ATXN10: variants seen among roughly 807,000 people sequenced by gnomAD.
The protein encoded by ATXN10 is ataxin 10, also known as ataxin-10.
In ATXN10, 28 loss-of-function variants were observed where a neutral mutation model predicts 52.9. The observed-to-expected ratio is 0.53, with a 90% CI of 0.39 to 0.73. The LOEUF (loss-of-function observed/expected upper bound fraction) is 0.73, where lower values mean the gene tolerates loss of function less well. Ranked by LOEUF, ATXN10 falls within the 30% of genes least tolerant of loss-of-function variation. The pLI, the probability that ATXN10 is intolerant of heterozygous loss-of-function variation, is 0.00. For synonymous variants in ATXN10, 226 were observed against 221.5 expected (o/e 1.02, Z -0.18); for missense variants, 565 against 577.0 (o/e 0.98, Z 0.21).
chr22:45,768,280 TATAG>T (rs1926657480), intron 9 of ATXN10, among the ~76,000 whole-genome samples: 1 of 151,804 alleles, frequency 6.6e-6, no homozygotes, highest in African/African-American at 2.4e-5. Flanking sequence ...ACCTCGGACA[TATAG>T]ATGTACAAGA....
chr22:45,729,542 G>C lies in ATXN10; in HGVS notation c.846G>C (p.Gln282His). The C allele has an allele frequency of 6.2e-7, 1 of 1,614,184 alleles. No individual in the cohort carries two copies. Among genetic ancestry groups the C allele is most frequent in the Non-Finnish European group, 8.5e-7 (1 of 1,180,022 alleles). ...AELIASTFVD[Q>H]CKTVLKLASE... ...TGATTGCAAGCACCTTTGTGGATCA[G>C]TGCAAGACTGTGCTCAAGCTGGCCT... The change falls in exon 7 of 12, where the codon CAG (glutamine) becomes CAC (histidine). Residue 282 changes from glutamine (Q) to histidine (H), a missense_variant. Transcript: ENST00000252934.
At position 45,750,753 on chromosome 22, in the gene ATXN10, C is replaced by T. The variant is rs1230362692; in HGVS notation, c.1173+10215C>T. Among the ~76,000 whole-genome samples the T allele has an allele frequency of 6.6e-6, 1 of 152,142 alleles. No individual in the cohort carries two copies. Among genetic ancestry groups the T allele is most frequent in the African/African-American group, 2.4e-5 (1 of 41,448 alleles). On this transcript the variant is annotated intron_variant, in intron 9 of 11. Coordinates refer to ENST00000252934, the MANE Select transcript of ATXN10 (RefSeq NM_013236.4). This position sits in a 1 kb window ranked among gnomAD's most constrained non-coding sequence, Gnocchi z 4.2. The stretch of plus-strand genomic sequence containing the variant: ...AGTGGAGGCAGACATAGTTTCCAAA[C>T]AGACCCAGGAGAAGTTATACGAATT...
chr22:45,757,972 C>T lies in ATXN10; in HGVS notation c.1173+17434C>T, dbSNP rs1926235152. Among the ~76,000 whole-genome samples the T allele has an allele frequency of 6.6e-6, 1 of 152,200 alleles. No individual in the cohort carries two copies. The highest frequency in any genetic ancestry group is 2.1e-4 in the South Asian group (1 of 4,834). ...TTGTAAAAGAAGAAAAAAAGTTGAG[C>T]TTTTGTGATGACACACAAATTCAAA... On this transcript the variant is annotated intron_variant, in intron 9 of 11. Transcript: ENST00000252934. This position sits in a 1 kb window ranked among gnomAD's most constrained non-coding sequence, Gnocchi z 4.6.
Position 45,708,948 on chromosome 22 carries a change from T to G in ATXN10, c.647+6101T>G, listed in dbSNP as rs1286102151. Among the ~76,000 whole-genome samples the G allele has an allele frequency of 6.6e-6, 1 of 152,212 alleles. No individual in the cohort carries two copies. Among genetic ancestry groups the G allele is most frequent in the Non-Finnish European group, 1.5e-5 (1 of 68,038 alleles). On this transcript the variant is annotated intron_variant, in intron 5 of 11. Transcript: ENST00000252934. The surrounding 1 kb of genome is among the most constrained non-coding windows in gnomAD (Gnocchi z 5.3). ...GCCACCGTGCCCACCTAAACTTTTA[T>G]TAATCCATTGAACTTTTTACCCAGT...
chr22:45,768,253 G>A (rs1044340950), intron 9 of ATXN10, among the ~76,000 whole-genome samples: 1 of 152,094 alleles, frequency 6.6e-6, no homozygotes, highest in African/African-American at 2.4e-5. Flanking sequence ...AGGTGGGGCA[G>A]GAAATGGGGA....
At chr22:45,704,931 T>C (rs1214972785) in intron 5 of ATXN10, among the ~76,000 whole-genome samples, 1 of 152,218 alleles carries the variant, frequency 6.6e-6, no homozygotes, top group Non-Finnish European at 1.5e-5. Flanking sequence ...ATGATAAACT[T>C]TTCTTCTACT....
chr22:45,685,332 C>T (rs577955169), intron 1 of ATXN10, among the ~76,000 whole-genome samples: 40 of 152,218 alleles, frequency 2.6e-4, no homozygotes, highest in Non-Finnish European at 4.0e-4. Flanking sequence ...TGTAACATTT[C>T]ATTTATACAT....
rs745625221 is a variant in ATXN10, at chr22:45,759,695, C to G, written c.1173+19157C>G. 2.0e-5 allele frequency among the ~76,000 whole-genome samples: 3 copies of G among 152,132 alleles called. No individual in the cohort carries two copies. The highest frequency in any genetic ancestry group is 2.0e-4 in the Admixed American group (3 of 15,276). On this transcript the variant is annotated intron_variant, in intron 9 of 11. Transcript: ENST00000252934. This position sits in a 1 kb window ranked among gnomAD's most constrained non-coding sequence, Gnocchi z 5.4. The stretch of plus-strand genomic sequence containing the variant: ...GCATCAGCTCCTCCCTCCCAGCCAC[C>G]CTGCCCTTCATAAAGCTCTAGTTTT...
At position 45,759,372 on chromosome 22, in the gene ATXN10, C is replaced by T. The variant is rs1276319807; in HGVS notation, c.1173+18834C>T. ...ACTAAAAATACAAAAAGTAGCCGGG[C>T]GTGGTGGCGCATGCCTGTAATCCCA... On this transcript the variant is annotated intron_variant, in intron 9 of 11. Coordinates refer to ENST00000252934, the MANE Select transcript of ATXN10 (RefSeq NM_013236.4). This position sits in a 1 kb window ranked among gnomAD's most constrained non-coding sequence, Gnocchi z 5.4. Among the ~76,000 whole-genome samples, 1 of 152,108 alleles carries T rather than the reference C, an allele frequency of 6.6e-6. No homozygotes were observed. The highest frequency in any genetic ancestry group is 2.4e-5 in the African/African-American group (1 of 41,414).
chr22:45,768,663 C>G (rs1926671112), intron 9 of ATXN10, among the ~76,000 whole-genome samples: 1 of 152,162 alleles, frequency 6.6e-6, no homozygotes, highest in African/African-American at 2.4e-5. Flanking sequence ...ACAAGACAAA[C>G]AGCCAGCTTG....
rs1449788295 is a variant in ATXN10 at position 45,795,281 on chromosome 22, A to G, written c.1174-11678A>G. ...CAAATAGAAAACAGATGGCAGAATG[A>G]TAAACTCAATCATGTTGATAAATAT... On this transcript the variant is annotated intron_variant, in intron 9 of 11. Coordinates refer to ENST00000252934, the MANE Select transcript of ATXN10 (RefSeq NM_013236.4). This position sits in a 1 kb window ranked among gnomAD's most constrained non-coding sequence, Gnocchi z 4.6. Among the ~76,000 whole-genome samples the G allele has an allele frequency of 1.3e-5, 2 of 152,244 alleles. No individual in the cohort carries two copies. Among genetic ancestry groups the G allele is most frequent in the Non-Finnish European group, 2.9e-5 (2 of 68,044 alleles).
intron 9 of ATXN10, among the ~76,000 whole-genome samples, chr22:45,802,187 T>C (rs1242881517): frequency 6.6e-6 from 1 of 152,230 alleles, no homozygotes; most frequent in Admixed American, 6.5e-5. Flanking sequence ...GCCAGGCTTA[T>C]TGTCTCCTGG....
chr22:45,729,714 A>G (rs771050655), intron 7 of ATXN10, 124 bp downstream of exon 7: 11 of 1,061,516 alleles, frequency 1.0e-5, no homozygotes, highest in African/African-American at 1.6e-5. Flanking sequence ...TAATGTATCC[A>G]TATATGAGAA....
chr22:45,812,502 C>CAAGAGAA (rs1398536988), intron 10 of ATXN10, among the ~76,000 whole-genome samples: 1 of 152,102 alleles, frequency 6.6e-6, no homozygotes, highest in Non-Finnish European at 1.5e-5. Flanking sequence ...GTTCTAAGCT[C>CAAGAGAA]AAGAGAAATG....
rs545561320 is a variant in ATXN10 at position 45,795,611 on chromosome 22, G to T, written c.1174-11348G>T. Among the ~76,000 whole-genome samples the T allele has an allele frequency of 6.6e-6, 1 of 152,248 alleles. No individual in the cohort carries two copies. The highest frequency in any genetic ancestry group is 2.1e-4 in the South Asian group (1 of 4,822). On this transcript the variant is annotated intron_variant, in intron 9 of 11. Transcript: ENST00000252934. This position sits in a 1 kb window ranked among gnomAD's most constrained non-coding sequence, Gnocchi z 4.6. ...TTTAGTAGAGACGGTGTTTCGGGAAGTCAGGGACCCTGAACGGAGGGACTG... is the reference window on the plus strand; with the variant it reads ...TTTAGTAGAGACGGTGTTTCGGGAATTCAGGGACCCTGAACGGAGGGACTG...
chr22:45,811,966 A>C (rs1363418826), intron 10 of ATXN10, among the ~76,000 whole-genome samples: 2 of 152,088 alleles, frequency 1.3e-5, no homozygotes, highest in African/African-American at 2.4e-5. Context: ...CACATTCTAA[A>C]AGGTCCTCTT....
rs134862 is a variant in ATXN10, at chr22:45,677,008, AT to A, written c.116+4833del. The A allele has an allele frequency of 0.13, 19,492 of 152,266 alleles. 1,557 individuals carry two copies. The highest frequency in any genetic ancestry group is 0.19 in the East Asian group (1,008 of 5,176). 9.4% of individuals were successfully genotyped at this position (152,266 alleles called of 1,614,324 possible). A position where few individuals can be genotyped will look rare whatever the true frequency, so the allele number is the denominator to read the frequency against. ...TGTTGCCCAGGCTGGCATTAGCCAT[AT>A]TTTAAGTGCTCATTGGCCACATGTG... On this transcript the variant is annotated intron_variant, in intron 1 of 11. Coordinates refer to ENST00000252934, the MANE Select transcript of ATXN10 (RefSeq NM_013236.4). This position sits in a 1 kb window ranked among gnomAD's most constrained non-coding sequence, Gnocchi z 4.1.
chr22:45,812,590 C>T (rs1428295612), intron 10 of ATXN10, among the ~76,000 whole-genome samples: 1 of 152,018 alleles, frequency 6.6e-6, no homozygotes, highest in Non-Finnish European at 1.5e-5. Context: ...TTGGTTTAAC[C>T]CATTTTTCTA....
rs1265280224 is a variant in ATXN10, at chr22:45,790,801, C to CT, written c.1174-16153dup. On this transcript the variant is annotated intron_variant, in intron 9 of 11. Transcript: ENST00000252934. This position sits in a 1 kb window ranked among gnomAD's most constrained non-coding sequence, Gnocchi z 4.7. ...AGTGCGTTTTCATTCCTCTTTATAT[C>CT]TTTTTATCCTGACCTTCTAGATCTT... Among the ~76,000 whole-genome samples, 1 of 152,140 alleles carries CT rather than the reference C, an allele frequency of 6.6e-6. No homozygotes were observed. Among genetic ancestry groups the CT allele is most frequent in the Non-Finnish European group, 1.5e-5 (1 of 68,016 alleles).
Sources: gnomAD v4.1 joint callset for allele counts (sites outside exome capture counted in the v4.1 genomes callset) on GRCh38, gnomAD v4.1.1 for gene constraint, Gnocchi (gnomAD v3.1) non-coding constraint, MANE v1.5 for transcripts, NCBI Gene and HGNC (gene_info 2026-07-23, HGNC 2026-07-21) for gene names.